Variants in TMEM108 observed in about 807,000 individuals in gnomAD.
TMEM108 encodes transmembrane protein 108, also known as cancer/testis antigen 124.
In TMEM108, 12 loss-of-function variants were observed where a neutral mutation model predicts 35.1. The observed-to-expected ratio is 0.34, with a 90% CI of 0.22 to 0.55. TMEM108 has a LOEUF of 0.55. Among genes scored for constraint, TMEM108 ranks in the 20% least tolerant of loss-of-function variants. TMEM108 has a pLI of 0.89. For missense variants in TMEM108, 680 were observed against 753.3 expected (o/e 0.90, Z 1.14); for synonymous variants, 287 against 308.6 (o/e 0.93, Z 0.73).
chr3:133,310,038 C>T lies in TMEM108; in HGVS notation c.41-69714C>T, dbSNP rs141106465. On this transcript the variant is annotated intron_variant, in intron 3 of 5. Coordinates refer to ENST00000321871, the MANE Select transcript of TMEM108 (RefSeq NM_023943.4). ...TTAATCCTGTGTTCTAATTTGATTG[C>T]ACTGTGGTCTGAGAGACAGTTTGTT... Among the ~76,000 whole-genome samples, 648 of 152,266 alleles carry T rather than the reference C, an allele frequency of 4.3e-3. 2 individuals carry two copies. The highest frequency in any genetic ancestry group is 0.014 in the African/African-American group (601 of 41,546).
intron 4 of TMEM108, among the ~76,000 whole-genome samples, chr3:133,382,897 T>C (rs1412238880): frequency 6.6e-6 from 1 of 152,200 alleles, no homozygotes; most frequent in Non-Finnish European, 1.5e-5. Flanking sequence ...AAACTTTCCA[T>C]GTCAGGGCTG....
intron 2 of TMEM108, among the ~76,000 whole-genome samples, chr3:133,137,076 A>G (rs1461370270): frequency 6.6e-6 from 1 of 152,246 alleles, no homozygotes; most frequent in African/African-American, 2.4e-5. Context: ...GTATTCCTAC[A>G]TCTGCATAGA....
intron 2 of TMEM108, among the ~76,000 whole-genome samples, chr3:133,224,813 A>T (rs1437436653): frequency 6.6e-6 from 1 of 151,654 alleles, no homozygotes; most frequent in East Asian, 2.0e-4. Context: ...ATGTGCATAA[A>T]ACAAGAAGCA....
At chr3:133,277,706 A>G (rs1946857344) in intron 3 of TMEM108, among the ~76,000 whole-genome samples, 1 of 152,360 alleles carries the variant, frequency 6.6e-6, no homozygotes, top group East Asian at 1.9e-4. Flanking sequence ...GGGCACTGTA[A>G]CTTACCTCAC....
At chr3:133,134,416 T>C (rs1005921227) in intron 2 of TMEM108, among the ~76,000 whole-genome samples, 3 of 152,090 alleles carry the variant, frequency 2.0e-5, no homozygotes, top group South Asian at 2.1e-4. Context: ...CTCCCTCTGG[T>C]GATGGATTTG....
intron 2 of TMEM108, among the ~76,000 whole-genome samples, chr3:133,162,755 T>G (rs1399437983): frequency 6.6e-6 from 1 of 152,216 alleles, no homozygotes; most frequent in Non-Finnish European, 1.5e-5. Context: ...AACTGATTCA[T>G]CAGGTTATAA....
chr3:133,346,572 G>A lies in TMEM108; in HGVS notation c.41-33180G>A, dbSNP rs1401726957. Among the ~76,000 whole-genome samples, 2 of 151,938 alleles carry A rather than the reference G, an allele frequency of 1.3e-5. No individual in the cohort carries two copies. ...TTTGGATTCAAGTCCTTTATTGAAT[G>A]TATGCAATTATTTTCTTCCAGTCGA... On this transcript the variant is annotated intron_variant, in intron 3 of 5. Transcript: ENST00000321871. This position sits in a 1 kb window ranked among gnomAD's most constrained non-coding sequence, Gnocchi z 4.0.
intron 3 of TMEM108, among the ~76,000 whole-genome samples, chr3:133,267,930 A>T (rs1005048496): frequency 2.0e-5 from 3 of 152,230 alleles, no homozygotes; most frequent in African/African-American, 7.2e-5. Context: ...AGAATCCTAG[A>T]GGTTACACAG....
chr3:133,247,625 T>A (rs1946405290), intron 3 of TMEM108: 1 of 135,122 alleles, frequency 7.4e-6, no homozygotes, highest in African/African-American at 2.8e-5. Context: ...ATATTCACTG[T>A]TATTCATAAT....
chr3:133,311,629 T>G (rs1304685371), intron 3 of TMEM108, among the ~76,000 whole-genome samples: 1 of 152,178 alleles, frequency 6.6e-6, no homozygotes, highest in Non-Finnish European at 1.5e-5. Context: ...TTTTTCAACG[T>G]TTTTAGCTTC....
At chr3:133,127,942 G>A (rs1361974210) in intron 2 of TMEM108, among the ~76,000 whole-genome samples, 1 of 152,182 alleles carries the variant, frequency 6.6e-6, no homozygotes, top group African/African-American at 2.4e-5. Context: ...GTTCACCTAG[G>A]TAGGTATCTT....
rs550879304 is a variant in TMEM108 at position 133,166,624 on chromosome 3, G to T, written c.-46-62642G>T. Among the ~76,000 whole-genome samples, 7 of 152,094 alleles carry T rather than the reference G, an allele frequency of 4.6e-5. No homozygotes were observed. The East Asian group carries it at 7.7e-4, about 17-fold the overall frequency. ...CAGCTCTTAAAGCGGCGTGTCTGGA[G>T]TTGTTCCTTCCTCCCGTCCAGAGTT... On this transcript the variant is annotated intron_variant, in intron 2 of 5. Coordinates refer to ENST00000321871, the MANE Select transcript of TMEM108 (RefSeq NM_023943.4).
chr3:133,167,045 T>G (rs1399613684), intron 2 of TMEM108, among the ~76,000 whole-genome samples: 1 of 152,176 alleles, frequency 6.6e-6, no homozygotes, highest in Non-Finnish European at 1.5e-5. Flanking sequence ...GTGCACTGAT[T>G]GGTGCATTTA....
rs1944472567 is a variant in TMEM108, at chr3:133,130,204, A to C, written c.-47+84184A>C. Among the ~76,000 whole-genome samples the C allele has an allele frequency of 3.9e-5, 6 of 152,136 alleles. No homozygotes were observed. The South Asian group carries it at 1.2e-3, about 32-fold the overall frequency. ...GTTCTGTCTTTTATCCTTTGGGTAG[A>C]TGAAGGGATGACATTTGCATTCAGT... On this transcript the variant is annotated intron_variant, in intron 2 of 5. Coordinates refer to ENST00000321871, the MANE Select transcript of TMEM108 (RefSeq NM_023943.4).
At chr3:133,120,377 AGT>A (rs1266600978) in intron 2 of TMEM108, among the ~76,000 whole-genome samples, 1 of 152,214 alleles carries the variant, frequency 6.6e-6, no homozygotes, top group Non-Finnish European at 1.5e-5. Context: ...GGTCAGAGGA[AGT>A]GTGTGTGCCT....
chr3:133,154,391 T>A (rs2107771172), intron 2 of TMEM108, among the ~76,000 whole-genome samples: 1 of 152,286 alleles, frequency 6.6e-6, no homozygotes, highest in South Asian at 2.1e-4. Context: ...TGGTATTGCC[T>A]AGGTTTTCTT....
At chr3:133,200,232 C>T (rs993886584) in intron 2 of TMEM108, among the ~76,000 whole-genome samples, 1 of 152,182 alleles carries the variant, frequency 6.6e-6, no homozygotes, top group Admixed American at 6.5e-5. Flanking sequence ...GGCAATGCCT[C>T]GCCCTGCTTC....
At chr3:133,048,290 A>G (rs1191320754) in intron 2 of TMEM108, among the ~76,000 whole-genome samples, 1 of 152,218 alleles carries the variant, frequency 6.6e-6, no homozygotes, top group Non-Finnish European at 1.5e-5. Flanking sequence ...TTTTGCAGAC[A>G]ATACAGTAAA....
At chr3:133,170,373 C>G (rs1292110672) in intron 2 of TMEM108, among the ~76,000 whole-genome samples, 1 of 152,186 alleles carries the variant, frequency 6.6e-6, no homozygotes, top group African/African-American at 2.4e-5. Context: ...TTGAAATTTT[C>G]TAAGATGCTA....
Sources: gnomAD v4.1 joint callset for allele counts (sites outside exome capture counted in the v4.1 genomes callset) on GRCh38, gnomAD v4.1.1 for gene constraint, Gnocchi (gnomAD v3.1) non-coding constraint, MANE v1.5 for transcripts, NCBI Gene and HGNC (gene_info 2026-07-23, HGNC 2026-07-21) for gene names.